Variants in ACVR1 observed in about 807,000 individuals in gnomAD.
ACVR1 encodes the protein activin receptor type-1.
In ACVR1, 38 loss-of-function variants were observed where a neutral mutation model predicts 57.1. The observed-to-expected ratio is 0.67, with a 90% CI of 0.51 to 0.87. ACVR1 has a LOEUF of 0.87. Ranked by LOEUF, ACVR1 falls within the 40% of genes least tolerant of loss-of-function variation. ACVR1 has a pLI of 0.00. For synonymous variants in ACVR1, 212 were observed against 228.1 expected (o/e 0.93, Z 0.63); for missense variants, 463 against 638.2 (o/e 0.73, Z 2.96).
chr2:157,768,564 T>A (rs1258695400), intron 7 of ACVR1, among the ~76,000 whole-genome samples: 2 of 152,242 alleles, frequency 1.3e-5, no homozygotes, highest in Admixed American at 6.5e-5. Context: ...GAAGTTTATC[T>A]GTCCCATTAA....
intron 2 of ACVR1, among the ~76,000 whole-genome samples, chr2:157,815,039 A>G (rs1343199203): frequency 6.6e-6 from 1 of 152,186 alleles, no homozygotes; most frequent in Admixed American, 6.5e-5. Context: ...CAGTGAGCCA[A>G]GATGGCGCCA....
intron 1 of ACVR1, among the ~76,000 whole-genome samples, chr2:157,820,149 C>T (rs1454312257): frequency 1.3e-5 from 2 of 152,132 alleles, no homozygotes; most frequent in Non-Finnish European, 1.5e-5. Flanking sequence ...AATCTAGACA[C>T]GTAAGGCACA....
At chr2:157,763,655 G>C (rs1349450660) in intron 8 of ACVR1, among the ~76,000 whole-genome samples, 1 of 152,050 alleles carries the variant, frequency 6.6e-6, no homozygotes, top group Non-Finnish European at 1.5e-5. Flanking sequence ...CCAGTAGATC[G>C]AGGCTGCAGT....
chr2:157,860,200 A>C (rs1229687940), intron 1 of ACVR1: 8 of 152,198 alleles, frequency 5.3e-5, no homozygotes, highest in Non-Finnish European at 1.2e-4. Flanking sequence ...TAAAGCAAAT[A>C]GTAATATATG....
chr2:157,777,889 C>G (rs1213435579), intron 5 of ACVR1, among the ~76,000 whole-genome samples: 1 of 152,170 alleles, frequency 6.6e-6, no homozygotes, highest in African/African-American at 2.4e-5. Context: ...AGAAAAGTAA[C>G]TAACTACCAA....
chr2:157,803,314 C>T (rs937256950), intron 2 of ACVR1, among the ~76,000 whole-genome samples: 3 of 152,174 alleles, frequency 2.0e-5, no homozygotes, highest in East Asian at 3.9e-4. Context: ...GGACTAATTC[C>T]GTCTCTAGTG....
intron 7 of ACVR1, among the ~76,000 whole-genome samples, chr2:157,769,794 G>C (rs966769983): frequency 6.6e-6 from 1 of 152,198 alleles, no homozygotes; most frequent in Non-Finnish European, 1.5e-5. Context: ...TGGGCCTAAG[G>C]AGTGTGCTCA....
chr2:157,846,873 T>A (rs1689141579), intron 1 of ACVR1, among the ~76,000 whole-genome samples: 1 of 152,034 alleles, frequency 6.6e-6, no homozygotes, highest in East Asian at 1.9e-4. Flanking sequence ...AGGTATAAAG[T>A]CTCCAAAGGA....
intron 2 of ACVR1, among the ~76,000 whole-genome samples, chr2:157,800,320 G>T (rs1687276430): frequency 6.6e-6 from 1 of 152,050 alleles, no homozygotes; most frequent in Non-Finnish European, 1.5e-5. Flanking sequence ...TGTCTGGAGT[G>T]TTGACCTTTA....
chr2:157,830,691 T>C (rs1475210010), intron 1 of ACVR1, among the ~76,000 whole-genome samples: 1 of 150,520 alleles, frequency 6.6e-6, no homozygotes, highest in South Asian at 2.1e-4. Context: ...GGAAACTAAA[T>C]TGTTATCAAT....
chr2:157,770,476 G>T lies in ACVR1; in HGVS notation c.682C>A (p.Gln228Lys). The T allele has an allele frequency of 6.2e-7, 1 of 1,613,936 alleles. No homozygotes were observed. The highest frequency in any genetic ancestry group is 8.5e-7 in the Non-Finnish European group (1 of 1,179,942). The change falls in exon 7 of 11, where the codon CAA (glutamine) becomes AAA (lysine). Residue 228 changes from glutamine (Q) to lysine (K), a missense_variant. Around this residue, in one of 3 missense-constraint regions of ACVR1, gnomAD observed 114 missense variants for 216.2 expected, o/e 0.53. Transcript: ENST00000434821. ...ATCTTCACGGCAACATTCTCCCCTT[G>T]CCAGCTGCCCCTCCACACCTCACCA... ...RYGEVWRGSW[Q>K]GENVAVKIFS...
At chr2:157,813,825 A>G (rs1687839131) in intron 2 of ACVR1, among the ~76,000 whole-genome samples, 1 of 152,238 alleles carries the variant, frequency 6.6e-6, no homozygotes, top group Non-Finnish European at 1.5e-5. Flanking sequence ...CCTAATTAAT[A>G]CAGCATCTAG....
At chr2:157,778,031 T>C in intron 5 of ACVR1, 100 bp downstream of exon 5, 1 of 1,242,408 alleles carries the variant, frequency 8.0e-7, no homozygotes, top group Admixed American at 1.8e-5. Context: ...GTGTACACTG[T>C]TCAGTCACTC....
intron 3 of ACVR1, among the ~76,000 whole-genome samples, chr2:157,795,566 T>C (rs759087348): frequency 3.5e-4 from 54 of 152,268 alleles, no homozygotes; most frequent in Non-Finnish European, 6.0e-4. Context: ...AAGTATGATA[T>C]GCTCTTTTCC....
At chr2:157,760,782 G>C (rs1306831584) in intron 9 of ACVR1, 98 bp downstream of exon 9, 14 of 1,220,292 alleles carry the variant, frequency 1.1e-5, no homozygotes, top group African/African-American at 1.5e-5. Flanking sequence ...ACGATTCAAA[G>C]AACAATGTGA....
At chr2:157,741,471 A>G (rs1483162824) in intron 9 of ACVR1, among the ~76,000 whole-genome samples, 1 of 151,936 alleles carries the variant, frequency 6.6e-6, no homozygotes, top group Non-Finnish European at 1.5e-5. Context: ...CTAAAAATAC[A>G]AAAATTAGCT....
At chr2:157,743,051 G>A (rs1312573662) in intron 9 of ACVR1, among the ~76,000 whole-genome samples, 1 of 152,062 alleles carries the variant, frequency 6.6e-6, no homozygotes, top group East Asian at 1.9e-4. Context: ...TCACATACCT[G>A]GACATCAGCC....
intron 9 of ACVR1, among the ~76,000 whole-genome samples, chr2:157,759,819 T>C (rs1046028159): frequency 6.6e-5 from 10 of 152,164 alleles, no homozygotes; most frequent in African/African-American, 2.4e-4. Context: ...ATACATCACA[T>C]CAACAGAATC....
At chr2:157,747,756 G>T (rs998993758) in intron 9 of ACVR1, among the ~76,000 whole-genome samples, 1 of 152,138 alleles carries the variant, frequency 6.6e-6, no homozygotes, top group Non-Finnish European at 1.5e-5. Context: ...TTTGTGTGTG[G>T]GGGGGTGTAC....
Sources: allele counts gnomAD v4.1 joint callset (sites outside exome capture counted in the v4.1 genomes callset), GRCh38; gene constraint gnomAD v4.1.1; regional missense constraint gnomAD v4.1.1; transcripts MANE v1.5; gene names NCBI Gene and HGNC (gene_info 2026-07-23, HGNC 2026-07-21).